MYT1: variants seen among roughly 807,000 people sequenced by gnomAD.
The protein encoded by MYT1 is myelin transcription factor 1, also known as myelin transcription factor I.
MYT1 carries 23 observed loss-of-function variants against 123.0 expected under a neutral mutation model. That is an observed-to-expected ratio of 0.19 (90% CI 0.13 to 0.26). MYT1 has a LOEUF of 0.26. MYT1 is among the 10% of genes least tolerant of loss of function. The pLI, the probability that MYT1 is intolerant of heterozygous loss-of-function variation, is 1.00. For synonymous variants in MYT1, 518 were observed against 575.3 expected, an observed-to-expected ratio of 0.90 and a Z score of 1.43; for missense variants, 1,125 against 1,472.5, an observed-to-expected ratio of 0.76 and a Z score of 3.86.
chr20:64,232,848 C>T lies in MYT1; in HGVS notation c.2897+463C>T, dbSNP rs972978350. ...GTCCCATTCATGCCTCTTCTTTGAA[C>T]TCTGGGCAGAGACCCCTGCCTGCCT... On this transcript the variant is annotated intron_variant, in intron 19 of 22. Transcript: ENST00000328439. This position sits in a 1 kb window ranked among gnomAD's most constrained non-coding sequence, Gnocchi z 6.9. 6.7e-6 allele frequency among the ~76,000 whole-genome samples: 1 copy of T among 149,448 alleles called. No individual in the cohort carries two copies. Among genetic ancestry groups the T allele is most frequent in the Non-Finnish European group, 1.5e-5 (1 of 67,944 alleles).
chr20:64,228,146 G>A (rs942761949), intron 18 of MYT1, 175 bp downstream of exon 18: 30 of 632,674 alleles, frequency 4.7e-5, no homozygotes, highest in Admixed American at 5.9e-5. Flanking sequence ...TACGCTACAC[G>A]TTGATACCTG....
chr20:64,229,253 C>T (rs1210985383), intron 18 of MYT1, among the ~76,000 whole-genome samples: 1 of 152,148 alleles, frequency 6.6e-6, no homozygotes, highest in Non-Finnish European at 1.5e-5. Flanking sequence ...AAGCATTTTG[C>T]CCCTGAGAAT....
intron 13 of MYT1, 68 bp downstream of exon 13, chr20:64,220,050 G>C: frequency 7.1e-7 from 1 of 1,410,888 alleles, no homozygotes; most frequent in South Asian, 1.7e-5. Flanking sequence ...AGGCTGTTGT[G>C]ATATTGGCTT....
intron 16 of MYT1, among the ~76,000 whole-genome samples, chr20:64,226,290 G>T (rs889648320): frequency 1.3e-5 from 2 of 152,268 alleles, no homozygotes; most frequent in African/African-American, 4.8e-5. Flanking sequence ...CAAGAGGTGG[G>T]GCCAGCCCTG....
rs1229649829 is a variant in MYT1, at chr20:64,189,529, C to T, written c.-98-534C>T. On this transcript the variant is annotated intron_variant, in intron 1 of 22. Transcript: ENST00000328439. The surrounding 1 kb of genome is among the most constrained non-coding windows in gnomAD (Gnocchi z 5.5). The stretch of plus-strand genomic sequence containing the variant: ...AGAGCATGCTGGGGCCCCCGGGATC[C>T]TGCGGGAGGCAAAGCTGATTTGAGA... Among the ~76,000 whole-genome samples, 1 of 152,188 alleles carries T rather than the reference C, an allele frequency of 6.6e-6. No homozygotes were observed. Among genetic ancestry groups the T allele is most frequent in the Non-Finnish European group, 1.5e-5 (1 of 68,022 alleles).
chr20:64,205,213 G>T, intron 5 of MYT1, 116 bp downstream of exon 5: 1 of 1,275,670 alleles, frequency 7.8e-7, no homozygotes, highest in South Asian at 1.3e-5. Flanking sequence ...CCAGGCTGCT[G>T]ACCCTTCTGC....
rs351881 is a variant in MYT1 at position 64,212,307 on chromosome 20, C to T, written c.1517+169C>T. Among the ~76,000 whole-genome samples the T allele has an allele frequency of 0.062, 9,274 of 149,270 alleles. 479 individuals carry two copies. Among genetic ancestry groups the T allele is most frequent in the Middle Eastern group, 0.12 (36 of 290 alleles). On this transcript the variant is annotated intron_variant, in intron 9 of 22. Coordinates refer to ENST00000328439, the MANE Select transcript of MYT1 (RefSeq NM_004535.3). The surrounding 1 kb of genome is among the most constrained non-coding windows in gnomAD (Gnocchi z 6.8). ...GGCACCTGGGTTGGGCCTGTGTGTC[C>T]CTGCCTGGGCCGTGAGCCCGTGACC...
chr20:64,236,192 C>T (rs1256655030), intron 19 of MYT1, among the ~76,000 whole-genome samples: 3 of 108,118 alleles, frequency 2.8e-5, no homozygotes, highest in South Asian at 3.4e-4. Flanking sequence ...CCTGGGATGG[C>T]CGTGGTGGGT....
intron 1 of MYT1, among the ~76,000 whole-genome samples, chr20:64,179,974 C>G (rs1424171978): frequency 1.3e-5 from 2 of 150,864 alleles, no homozygotes; most frequent in African/African-American, 4.9e-5. Flanking sequence ...TACACACTCA[C>G]ATGCTACACA....
At chr20:64,225,718 A>T (rs1984151277) in intron 16 of MYT1, among the ~76,000 whole-genome samples, 1 of 152,022 alleles carries the variant, frequency 6.6e-6, no homozygotes, top group Non-Finnish European at 1.5e-5. Context: ...CCTGCAGCTG[A>T]CCCTGGGGGT....
Position 64,218,734 on chromosome 20 carries a change from C to A in MYT1, c.1847-177C>A. Reference sequence around the variant, plus strand: ...TCGATATAGCTGTGCCCTGGGCCCTCCCATCCCTCCCAAAGTGCCCCCTCC... The same window carrying A: ...TCGATATAGCTGTGCCCTGGGCCCTACCATCCCTCCCAAAGTGCCCCCTCC... On this transcript the variant is annotated intron_variant, in intron 11 of 22. Coordinates refer to ENST00000328439, the MANE Select transcript of MYT1 (RefSeq NM_004535.3). The surrounding 1 kb of genome is among the most constrained non-coding windows in gnomAD (Gnocchi z 4.0). The A allele has an allele frequency of 5.2e-6, 4 of 765,542 alleles. No homozygotes were observed. The highest frequency in any genetic ancestry group is 4.4e-6 in the Non-Finnish European group (2 of 453,660). 47.4% of individuals were successfully genotyped at this position (765,542 alleles called of 1,614,324 possible).
intron 1 of MYT1, among the ~76,000 whole-genome samples, chr20:64,182,271 T>C (rs1982675115): frequency 6.6e-6 from 1 of 152,252 alleles, no homozygotes; most frequent in East Asian, 1.9e-4. Flanking sequence ...TAAGAAGGCC[T>C]GCCCTCTCCA....
At chr20:64,236,406 G>A in intron 19 of MYT1, 149 bp from the exon 20 acceptor site, 1 of 685,912 alleles carries the variant, frequency 1.5e-6, no homozygotes, top group Non-Finnish European at 2.6e-6. Context: ...ACCCTGGGCT[G>A]GCCGTGGTGG....
At chr20:64,171,049 G>A (rs528430571) in intron 1 of MYT1, among the ~76,000 whole-genome samples, 17 of 148,904 alleles carry the variant, frequency 1.1e-4, no homozygotes, top group African/African-American at 4.0e-4. Context: ...AGCTGGGACT[G>A]CAGATGCGTG....
intron 16 of MYT1, among the ~76,000 whole-genome samples, chr20:64,225,854 G>C (rs1984155728): frequency 6.6e-6 from 1 of 152,072 alleles, no homozygotes; most frequent in African/African-American, 2.4e-5. Flanking sequence ...CTGCAGGATG[G>C]CCCCCCCTGT....
chr20:64,207,779 G>A lies in MYT1; in HGVS notation c.583G>A (p.Val195Met), dbSNP rs201766089. 30 of 1,613,978 alleles carry A rather than the reference G, an allele frequency of 1.9e-5. No homozygotes were observed. The African/African-American group carries it at 3.3e-4, about 18-fold the overall frequency. ...GQAAKPGPGIVHLLQEAAEGA... is the reference protein window; with the variant it reads ...GQAAKPGPGIMHLLQEAAEGA... ...GGCGGCCAAGCCAGGTCCTGGCATT[G>A]TGCACCTGCTTCAGGAGGCTGCAGA... The change falls in exon 7 of 23, where the codon GTG becomes ATG. Residue 195 changes from valine to methionine, a missense_variant. Val to Met is a conservative substitution (Grantham distance 21, BLOSUM62 1). Around this residue, in one of 4 missense-constraint regions of MYT1, gnomAD observed 406 missense variants for 432.2 expected, o/e 0.94. Coordinates refer to ENST00000328439, the MANE Select transcript of MYT1 (RefSeq NM_004535.3).
chr20:64,226,317 C>T (rs1230022277), intron 16 of MYT1, among the ~76,000 whole-genome samples: 11 of 152,390 alleles, frequency 7.2e-5, no homozygotes, highest in African/African-American at 2.6e-4. Flanking sequence ...CGCCACAGCC[C>T]TTTGGGTGCC....
rs1258077028 is a variant in MYT1 at position 64,193,567 on chromosome 20, C to G, written c.-1+3407C>G. Among the ~76,000 whole-genome samples, 1 of 152,092 alleles carries G rather than the reference C, an allele frequency of 6.6e-6. No homozygotes were observed. Among genetic ancestry groups the G allele is most frequent in the Non-Finnish European group, 1.5e-5 (1 of 68,014 alleles). ...GGCCAGACCATGGCTCTGTCTTTCT[C>G]CCCTCCCCTCACTGCAGAGAAGTGA... On this transcript the variant is annotated intron_variant, in intron 2 of 22. Transcript: ENST00000328439. The surrounding 1 kb of genome is among the most constrained non-coding windows in gnomAD (Gnocchi z 4.0).
In MYT1 at chr20:64,213,658, T is replaced by C. The variant is rs1983750729; in HGVS notation, c.1631+11T>C. On this transcript the variant is annotated intron_variant, in intron 10 of 22. Coordinates refer to ENST00000328439, the MANE Select transcript of MYT1 (RefSeq NM_004535.3). The surrounding 1 kb of genome is among the most constrained non-coding windows in gnomAD (Gnocchi z 5.6). The stretch of plus-strand genomic sequence containing the variant: ...CGATCGGATCCTCAGGTGAGTGAGA[T>C]GAGCCACAGAACTGAAGAGGCTGCC... The C allele has an allele frequency of 6.2e-7, 1 of 1,610,342 alleles. No homozygotes were observed. Among genetic ancestry groups the C allele is most frequent in the Non-Finnish European group, 8.5e-7 (1 of 1,177,040 alleles).
Sources: allele counts gnomAD v4.1 joint callset (sites outside exome capture counted in the v4.1 genomes callset), GRCh38; gene constraint gnomAD v4.1.1; regional missense constraint gnomAD v4.1.1; non-coding constraint Gnocchi (gnomAD v3.1); transcripts MANE v1.5; gene names NCBI Gene and HGNC (gene_info 2026-07-23, HGNC 2026-07-21).